AKAP19: variants seen among roughly 807,000 people sequenced by gnomAD.
The protein encoded by AKAP19 is A-kinase anchoring protein 19.
At chr2:189,904,420 G>A in the AKAP19 span, among the ~76,000 whole-genome samples, 1 of 152,034 alleles carries the variant, frequency 6.6e-6, no homozygotes, top group African/African-American at 2.4e-5. Context: ...GAATTATGGT[G>A]CCAATTATAC....
At chr2:190,018,461 G>T in the AKAP19 span, among the ~76,000 whole-genome samples, 3 of 151,850 alleles carry the variant, frequency 2.0e-5, no homozygotes, top group Admixed American at 1.3e-4. Flanking sequence ...TTCAGTCATT[G>T]TATTCAGCTC....
At chr2:190,178,170 C>T in the AKAP19 span, among the ~76,000 whole-genome samples, 476 of 152,312 alleles carry the variant, frequency 3.1e-3, 1 homozygote, top group African/African-American at 0.011. The surrounding 1 kb of genome is among the most constrained non-coding windows in gnomAD (Gnocchi z 6.3). Context: ...GGCAGAAATG[C>T]TATGCCCTGA....
the AKAP19 span, among the ~76,000 whole-genome samples, chr2:190,126,313 AAAAAAAAAAAAG>A: frequency 7.0e-6 from 1 of 141,850 alleles, no homozygotes; most frequent in Non-Finnish European, 1.5e-5. Flanking sequence ...AAAAAAAAAA[AAAAAAAAAAAAG>A]GTGTATATTT....
At chr2:189,955,464 T>A in the AKAP19 span, among the ~76,000 whole-genome samples, 23 of 152,324 alleles carry the variant, frequency 1.5e-4, no homozygotes, top group African/African-American at 5.3e-4. Flanking sequence ...GATGTCTTTT[T>A]CTTTGGGTAG....
chr2:189,978,573 C>T, the AKAP19 span, among the ~76,000 whole-genome samples: 2 of 152,148 alleles, frequency 1.3e-5, no homozygotes, highest in African/African-American at 4.8e-5. Flanking sequence ...GCTGAGATTG[C>T]ACCACTGCAC....
the AKAP19 span, among the ~76,000 whole-genome samples, chr2:190,005,791 T>C: frequency 6.6e-6 from 1 of 152,250 alleles, no homozygotes; most frequent in Non-Finnish European, 1.5e-5. Flanking sequence ...AGTATATGTC[T>C]TTAATTTAGA....
the AKAP19 span, among the ~76,000 whole-genome samples, chr2:190,118,757 T>A: frequency 6.6e-6 from 1 of 152,128 alleles, no homozygotes; most frequent in Non-Finnish European, 1.5e-5. Flanking sequence ...CCACAGCCAA[T>A]ATCATACTGA....
the AKAP19 span, among the ~76,000 whole-genome samples, chr2:189,952,248 A>G: frequency 6.6e-6 from 1 of 152,166 alleles, no homozygotes; most frequent in Admixed American, 6.5e-5. Context: ...ACTCTGTCTT[A>G]TGTTAGTTTA....
chr2:189,949,658 T>C, the AKAP19 span, among the ~76,000 whole-genome samples: 1 of 141,754 alleles, frequency 7.1e-6, no homozygotes, highest in African/African-American at 2.7e-5. Context: ...TTTTTAGAGA[T>C]GAGTCTCACT....
chr2:190,017,002 C>A, the AKAP19 span, among the ~76,000 whole-genome samples: 1 of 152,114 alleles, frequency 6.6e-6, no homozygotes, highest in Non-Finnish European at 1.5e-5. Flanking sequence ...GCTATATTCT[C>A]TTGATAAATT....
At chr2:189,930,619 TCAGCCAAGATCGCGCCACTG>T in the AKAP19 span, 52 of 302,106 alleles carry the variant, frequency 1.7e-4, no homozygotes, top group East Asian at 4.1e-3. Context: ...GAGGTTGCAG[TCAGCCAAGATCGCGCCACTG>T]CACTCCAGCC....
chr2:189,936,600 A>C, the AKAP19 span, among the ~76,000 whole-genome samples: 1 of 152,214 alleles, frequency 6.6e-6, no homozygotes, highest in African/African-American at 2.4e-5. Context: ...ATTCTGTAGG[A>C]TATTTCCTAC....
the AKAP19 span, among the ~76,000 whole-genome samples, chr2:190,132,667 A>G: frequency 1.3e-5 from 2 of 152,194 alleles, no homozygotes; most frequent in Non-Finnish European, 2.9e-5. Context: ...ATAAGACCTG[A>G]AACTGTAAAA....
the AKAP19 span, among the ~76,000 whole-genome samples, chr2:190,017,543 A>G: frequency 1.3e-5 from 2 of 152,204 alleles, no homozygotes; most frequent in Middle Eastern, 6.8e-3. Context: ...ACAATTCTAC[A>G]TTTTTACTCC....
At chr2:190,072,385 A>G in the AKAP19 span, among the ~76,000 whole-genome samples, 1 of 152,144 alleles carries the variant, frequency 6.6e-6, no homozygotes. Flanking sequence ...CCAGGTAACA[A>G]ACCTGCACCC....
the AKAP19 span, among the ~76,000 whole-genome samples, chr2:190,194,081 C>A: frequency 1.3e-5 from 2 of 151,986 alleles, no homozygotes; most frequent in African/African-American, 4.8e-5. Context: ...ATATATGAGG[C>A]TTTTCTAGAT....
At chr2:190,152,951 A>G in the AKAP19 span, among the ~76,000 whole-genome samples, 2 of 149,562 alleles carry the variant, frequency 1.3e-5, no homozygotes, top group Non-Finnish European at 3.0e-5. Flanking sequence ...GCTGGAGTGC[A>G]GTGGCGTGAT....
the AKAP19 span, among the ~76,000 whole-genome samples, chr2:189,982,814 G>A: frequency 6.6e-6 from 1 of 152,278 alleles, no homozygotes; most frequent in South Asian, 2.1e-4. Context: ...GTATCTGTGT[G>A]ATGGCTTTCT....
At chr2:190,182,971 TTAA>T in the AKAP19 span, among the ~76,000 whole-genome samples, 5 of 152,254 alleles carry the variant, frequency 3.3e-5, no homozygotes, top group Middle Eastern at 3.2e-3. Context: ...ATTCATCATG[TTAA>T]TTCTACTTTT....
Sources: gnomAD v4.1 joint callset for allele counts (sites outside exome capture counted in the v4.1 genomes callset) on GRCh38, gnomAD v4.1.1 for gene constraint, Gnocchi (gnomAD v3.1) non-coding constraint, MANE v1.5 for transcripts, NCBI Gene and HGNC (gene_info 2026-07-23, HGNC 2026-07-21) for gene names.